PRKCA: variants seen among roughly 807,000 people sequenced by gnomAD.
The protein encoded by PRKCA is protein kinase C alpha type.
PRKCA carries 27 observed loss-of-function variants against 87.0 expected under a neutral mutation model. The observed-to-expected ratio is 0.31, with a 90% CI of 0.23 to 0.43. The LOEUF is 0.43. Among genes scored for constraint, PRKCA ranks in the 20% least tolerant of loss-of-function variants. The pLI, the probability that PRKCA is intolerant of heterozygous loss-of-function variation, is 1.00. For missense variants in PRKCA, 518 were observed against 852.3 expected, an observed-to-expected ratio of 0.61 and a Z score of 4.88; for synonymous variants, 329 against 311.1, an observed-to-expected ratio of 1.06 and a Z score of -0.61.
intron 13 of PRKCA, among the ~76,000 whole-genome samples, chr17:66,745,978 A>G (rs1224327339): frequency 6.6e-6 from 1 of 152,114 alleles, no homozygotes; most frequent in African/African-American, 2.4e-5. Flanking sequence ...AGGGATACAA[A>G]AAGACATCAG....
intron 5 of PRKCA, among the ~76,000 whole-genome samples, chr17:66,681,154 G>A (rs1031259299): frequency 6.6e-6 from 1 of 152,242 alleles, no homozygotes; most frequent in South Asian, 2.1e-4. Flanking sequence ...ACTTGAACCC[G>A]GGAGGCGGAA....
At chr17:66,314,931 A>G (rs959823086) in intron 2 of PRKCA, among the ~76,000 whole-genome samples, 15 of 151,074 alleles carry the variant, frequency 9.9e-5, no homozygotes, top group Non-Finnish European at 5.9e-5. Context: ...GTGTGTATAT[A>G]TATGTGTGTG....
intron 4 of PRKCA, among the ~76,000 whole-genome samples, 197 bp downstream of exon 4, chr17:66,641,663 T>C (rs968329064): frequency 6.6e-6 from 1 of 152,066 alleles, no homozygotes; most frequent in Non-Finnish European, 1.5e-5. Flanking sequence ...GATTGCCTCA[T>C]TATGAACCCC....
chr17:66,792,217 C>T lies in PRKCA; in HGVS notation c.1854+3238C>T, dbSNP rs1427241414. 6.6e-6 allele frequency among the ~76,000 whole-genome samples: 1 copy of T among 152,154 alleles called. No individual in the cohort carries two copies. Among genetic ancestry groups the T allele is most frequent in the East Asian group, 1.9e-4 (1 of 5,192 alleles). ...GCTTAAGGACAGGTAGCTGTTCTCA[C>T]GTGCGGTGATGCTCCTGGCTCCCAT... On this transcript the variant is annotated intron_variant, in intron 16 of 16. Coordinates refer to ENST00000413366, the MANE Select transcript of PRKCA (RefSeq NM_002737.3). This position sits in a 1 kb window ranked among gnomAD's most constrained non-coding sequence, Gnocchi z 4.5.
intron 2 of PRKCA, among the ~76,000 whole-genome samples, chr17:66,314,871 A>G (rs1052912045): frequency 1.7e-5 from 2 of 114,400 alleles, no homozygotes; most frequent in Non-Finnish European, 3.8e-5. Context: ...CTAGATATAT[A>G]TATATGTGTG....
At chr17:66,658,087 G>A (rs555871747) in intron 5 of PRKCA, among the ~76,000 whole-genome samples, 85 of 152,258 alleles carry the variant, frequency 5.6e-4, no homozygotes, top group African/African-American at 1.1e-3. Flanking sequence ...GGAAACTTAC[G>A]ATCATGGCAG....
At chr17:66,452,588 C>T (rs1484396633) in intron 2 of PRKCA, among the ~76,000 whole-genome samples, 1 of 152,188 alleles carries the variant, frequency 6.6e-6, no homozygotes, top group African/African-American at 2.4e-5. Flanking sequence ...TCCTATTGCA[C>T]TGAAGCCTTC....
intron 16 of PRKCA, among the ~76,000 whole-genome samples, chr17:66,791,888 C>G (rs1975547366): frequency 6.6e-6 from 1 of 152,230 alleles, no homozygotes. Flanking sequence ...GAAAAATGTA[C>G]TGTAGTTTCC....
intron 2 of PRKCA, among the ~76,000 whole-genome samples, chr17:66,376,605 C>T (rs914233275): frequency 3.3e-5 from 5 of 151,088 alleles, no homozygotes; most frequent in Admixed American, 6.6e-5. Context: ...GGTGACAGAG[C>T]GAGACTCTGT....
intron 3 of PRKCA, among the ~76,000 whole-genome samples, chr17:66,606,312 C>T (rs1227241932): frequency 2.6e-5 from 4 of 152,122 alleles, no homozygotes; most frequent in African/African-American, 7.2e-5. Flanking sequence ...CGCTTGAACC[C>T]GTGAAGCAGA....
At chr17:66,505,980 G>A (rs1327563100) in intron 3 of PRKCA, among the ~76,000 whole-genome samples, 2 of 152,138 alleles carry the variant, frequency 1.3e-5, no homozygotes, top group South Asian at 4.1e-4. Flanking sequence ...TTCACCTGGG[G>A]CATGTTTGGT....
intron 3 of PRKCA, among the ~76,000 whole-genome samples, chr17:66,519,375 AG>A (rs1439418422): frequency 1.3e-5 from 2 of 152,222 alleles, no homozygotes; most frequent in Non-Finnish European, 2.9e-5. Flanking sequence ...ATAGCTTGTA[AG>A]ATGGTCCAGT....
chr17:66,459,231 A>G (rs1344494401), intron 2 of PRKCA, among the ~76,000 whole-genome samples: 2 of 151,954 alleles, frequency 1.3e-5, no homozygotes, highest in Admixed American at 6.6e-5. Context: ...AAATACAAAA[A>G]TTAGCTGGAG....
intron 7 of PRKCA, 85 bp downstream of exon 7, chr17:66,688,521 G>GA: frequency 6.5e-7 from 1 of 1,540,930 alleles, no homozygotes; most frequent in Non-Finnish European, 8.9e-7. Flanking sequence ...TGTCAGTTGA[G>GA]GCTGGACATG....
intron 3 of PRKCA, among the ~76,000 whole-genome samples, chr17:66,545,533 C>A (rs1455367085): frequency 6.6e-6 from 1 of 152,078 alleles, no homozygotes; most frequent in Non-Finnish European, 1.5e-5. Flanking sequence ...TCACATCATG[C>A]ATTCCTGAGT....
chr17:66,508,273 T>C (rs1917066883), intron 3 of PRKCA, among the ~76,000 whole-genome samples: 1 of 152,254 alleles, frequency 6.6e-6, no homozygotes, highest in African/African-American at 2.4e-5. Flanking sequence ...GTTCTATTTA[T>C]TCTTATAATC....
At position 66,306,328 on chromosome 17, in the gene PRKCA, A is replaced by G. The variant is rs1162927856; in HGVS notation, c.205+201A>G. The G allele has an allele frequency of 6.9e-5, 8 of 115,674 alleles. No individual in the cohort carries two copies. The South Asian group carries it at 8.0e-4, about 12-fold the overall frequency. The allele number at this position is 115,674 out of a possible 1,614,324, so 7.2% of individuals were successfully genotyped here. On this transcript the variant is annotated intron_variant, in intron 2 of 16. Transcript: ENST00000413366. ...TATAGAGCTGCCTTTTTCTCATTGG[A>G]AAAAAAAAAAAAAAGCCTTTCTGTA...
At chr17:66,578,530 A>C (rs981540698) in intron 3 of PRKCA, among the ~76,000 whole-genome samples, 1 of 151,916 alleles carries the variant, frequency 6.6e-6, no homozygotes, top group Non-Finnish European at 1.5e-5. Context: ...AGAGCAAAAC[A>C]TGTATAAGGC....
intron 2 of PRKCA, among the ~76,000 whole-genome samples, chr17:66,478,539 C>T (rs968490144): frequency 6.6e-6 from 1 of 152,122 alleles, no homozygotes; most frequent in African/African-American, 2.4e-5. Flanking sequence ...CAGGCATGGA[C>T]CACCGCGCCC....
Sources: gnomAD v4.1 joint callset for allele counts (sites outside exome capture counted in the v4.1 genomes callset) on GRCh38, gnomAD v4.1.1 for gene constraint, Gnocchi (gnomAD v3.1) non-coding constraint, MANE v1.5 for transcripts, NCBI Gene and HGNC (gene_info 2026-07-23, HGNC 2026-07-21) for gene names.